The following MRS2 variants were observed in gnomAD, a reference collection of about 807,000 sequenced individuals.
MRS2 encodes magnesium transporter MRS2.
In MRS2, 40 loss-of-function variants were observed where a neutral mutation model predicts 52.6. The ratio of observed to expected loss-of-function variants is 0.76; its 90% CI spans 0.59 to 0.99. MRS2 has a LOEUF of 0.99. Among genes scored for constraint, MRS2 ranks in the 50% least tolerant of loss-of-function variants. The pLI, the probability that MRS2 is intolerant of heterozygous loss-of-function variation, is 0.00. For synonymous variants in MRS2, 193 were observed against 195.9 expected, an observed-to-expected ratio of 0.98 and a Z score of 0.13; for missense variants, 472 against 532.7, an observed-to-expected ratio of 0.89 and a Z score of 1.12.
At chr6:24,404,315 T>G (rs2127279589) in intron 1 of MRS2, among the ~76,000 whole-genome samples, 1 of 152,344 alleles carries the variant, frequency 6.6e-6, no homozygotes, top group South Asian at 2.1e-4. Context: ...ATTAAAACAT[T>G]GAAAGGCATT....
rs1318961947 is a variant in MRS2 at position 24,405,281 on chromosome 6, C to T, written c.264+40C>T. The T allele has an allele frequency of 4.9e-6, 7 of 1,441,598 alleles. No homozygotes were observed. In the African/African-American group the frequency reaches 7.0e-5, roughly 14 times the overall value. 89.3% of individuals were successfully genotyped at this position (1,441,598 alleles called of 1,614,324 possible). The stretch of plus-strand genomic sequence containing the variant: ...TACATTGGAAATCGTACAGAAAGTG[C>T]TTCCCATACATAAGTTAACTCGTTG... On this transcript the variant is annotated intron_variant, in intron 2 of 10. Coordinates refer to ENST00000378386, the MANE Select transcript of MRS2 (RefSeq NM_020662.4).
At chr6:24,414,887 T>TA (rs1409072994) in intron 5 of MRS2, 146 bp from the exon 6 acceptor site, 93 of 609,752 alleles carry the variant, frequency 1.5e-4, no homozygotes, top group African/African-American at 1.2e-3. Context: ...TCATCTGGAA[T>TA]AGGCATTCTA....
Position 24,409,519 on chromosome 6 carries a change from T to A in MRS2, c.360T>A (p.Phe120Leu). ...ELGLQARDLRFQHVMSITVRN... is the reference protein window; with the variant it reads ...ELGLQARDLRLQHVMSITVRN... ...GTCTTCAAGCCAGAGATTTGAGATTTCAGCATGTAATGAGTATCACAGTCA... is the reference window on the plus strand; with the variant it reads ...GTCTTCAAGCCAGAGATTTGAGATTACAGCATGTAATGAGTATCACAGTCA... The change falls in exon 4 of 11, where the codon TTT becomes TTA. Residue 120 changes from phenylalanine to leucine, a missense_variant. Phe to Leu is a conservative substitution (Grantham distance 22). Transcript: ENST00000378386. 1 of 1,612,004 alleles carries A rather than the reference T, an allele frequency of 6.2e-7. No homozygotes were observed. The highest frequency in any genetic ancestry group is 8.5e-7 in the Non-Finnish European group (1 of 1,178,748).
chr6:24,424,156 G>T lies in MRS2; in HGVS notation c.*462G>T, dbSNP rs140027003. 55 of 151,516 alleles carry T rather than the reference G, an allele frequency of 3.6e-4. No individual in the cohort carries two copies. Among genetic ancestry groups the T allele is most frequent in the Admixed American group, 9.2e-4 (14 of 15,292 alleles). 9.4% of individuals were successfully genotyped at this position (151,516 alleles called of 1,614,324 possible). On this transcript the variant is annotated 3_prime_UTR_variant, in exon 11 of 11. Coordinates refer to ENST00000378386, the MANE Select transcript of MRS2 (RefSeq NM_020662.4). ...CATTCTATGTATTAACCTTACAACA[G>T]ACTCTGTAAGTTTGAGCTTTAAAAA... is the stretch of plus-strand genomic sequence containing the variant.
At chr6:24,410,253 A>G (rs1402592297) in intron 4 of MRS2, among the ~76,000 whole-genome samples, 1 of 152,202 alleles carries the variant, frequency 6.6e-6, no homozygotes, top group Admixed American at 6.5e-5. Flanking sequence ...TGCTGGGATT[A>G]CAGGCATGAG....
At position 24,423,069 on chromosome 6, in the gene MRS2, ACGG is replaced by A; in HGVS notation, c.1221+23_1221+25del. 1 of 1,592,150 alleles carries A rather than the reference ACGG, an allele frequency of 6.3e-7. No homozygotes were observed. The highest frequency in any genetic ancestry group is 8.6e-7 in the Non-Finnish European group (1 of 1,161,642). On this transcript the variant is annotated intron_variant, in intron 10 of 10. Coordinates refer to ENST00000378386, the MANE Select transcript of MRS2 (RefSeq NM_020662.4). ...TCCTATGGTATGAAGGATATGGTTC[ACGG>A]CGGTATTGTGGAAGGGTTATGATCA... is the stretch of plus-strand genomic sequence containing the variant.
intron 1 of MRS2, among the ~76,000 whole-genome samples, chr6:24,403,627 C>G (rs1421658587): frequency 6.6e-6 from 1 of 152,164 alleles, no homozygotes; most frequent in African/African-American, 2.4e-5. Context: ...CTATGTTGCC[C>G]AGGCTGGACT....
chr6:24,423,740 A>T lies in MRS2; in HGVS notation c.*46A>T. On this transcript the variant is annotated 3_prime_UTR_variant, in exon 11 of 11. Transcript: ENST00000378386. ...AAGTTTTTTTTATGGTAGTTACAGG[A>T]AACTTCTGATACTCTTTTTATTATT... 1 of 901,852 alleles carries T rather than the reference A, an allele frequency of 1.1e-6. No homozygotes were observed. The highest frequency in any genetic ancestry group is 1.7e-6 in the Non-Finnish European group (1 of 575,188). 55.9% of individuals were successfully genotyped at this position (901,852 alleles called of 1,614,324 possible).
chr6:24,403,168 G>A lies in MRS2; in HGVS notation c.122G>A (p.Arg41His), dbSNP rs1761341157. 6 of 1,608,260 alleles carry A rather than the reference G, an allele frequency of 3.7e-6. No individual in the cohort carries two copies. Among genetic ancestry groups the A allele is most frequent in the Admixed American group, 1.7e-5 (1 of 59,972 alleles). The change falls in exon 1 of 11, where the codon CGC (arginine) becomes CAC (histidine). Residue 41 changes from arginine to histidine, a missense_variant. Coordinates refer to ENST00000378386, the MANE Select transcript of MRS2 (RefSeq NM_020662.4). ...GGTCCTCCCGTTGCTGCCTGCGGCC[G>A]CCGAGCCAACCTGATTGGAAGGAGC... ...SVGPPVAACG[R>H]RANLIGRSRA...
At chr6:24,422,102 A>AT in intron 9 of MRS2, among the ~76,000 whole-genome samples, 1 of 152,306 alleles carries the variant, frequency 6.6e-6, no homozygotes, top group East Asian at 1.9e-4. Context: ...GTGAGCCAAG[A>AT]TTGAGCCACT....
chr6:24,421,186 TTC>T (rs1762030462), intron 9 of MRS2, among the ~76,000 whole-genome samples: 1 of 152,230 alleles, frequency 6.6e-6, no homozygotes, highest in Non-Finnish European at 1.5e-5. Context: ...TTTGATATTT[TTC>T]TCTCACTTAA....
intron 2 of MRS2, among the ~76,000 whole-genome samples, chr6:24,406,340 A>T (rs1309720331): frequency 1.3e-5 from 2 of 152,172 alleles, no homozygotes; most frequent in Admixed American, 1.3e-4. Flanking sequence ...CCTCAAATAT[A>T]TTTCATTAGG....
In MRS2 at chr6:24,418,569, C is replaced by G; in HGVS notation, c.1098C>G (p.Ser366=). The G allele has an allele frequency of 6.2e-7, 1 of 1,609,030 alleles. No homozygotes were observed. Among genetic ancestry groups the G allele is most frequent in the Non-Finnish European group, 8.5e-7 (1 of 1,175,528 alleles). ...GVAFGMNLES[S]LEEDHRIFWL... ...CTTTTGGAATGAATTTGGAATCTTC[C>G]CTTGAAGAGGTGAGAATGTATTATT... is the stretch of plus-strand genomic sequence containing the variant. The change falls in exon 9 of 11, where the codon TCC becomes TCG. Residue 366 remains serine (S), a synonymous_variant. Transcript: ENST00000378386.
intron 3 of MRS2, among the ~76,000 whole-genome samples, chr6:24,408,912 CTG>C (rs1392024360): frequency 6.6e-6 from 1 of 152,144 alleles, no homozygotes; most frequent in African/African-American, 2.4e-5. Context: ...TGATGGCTCT[CTG>C]TGGACAGCTA....
intron 1 of MRS2, 86 bp from the exon 2 acceptor site, chr6:24,405,082 G>A (rs922680451): frequency 1.2e-6 from 1 of 822,078 alleles, no homozygotes; most frequent in African/African-American, 1.7e-5. Context: ...TAGTCTGAAG[G>A]CCTCCACATA....
Position 24,403,056 on chromosome 6 carries a change from C to T in MRS2, c.10C>T (p.Leu4=), listed in dbSNP as rs1327367096. MEC[L]RSLPCLLPRA... ...TTCTTGCTCCAGCACCATGGAATGC[C>T]TGCGCAGTTTACCCTGCCTCCTGCC... The change falls in exon 1 of 11, where the codon CTG becomes TTG. Residue 4 remains leucine (L), a synonymous_variant. Coordinates refer to ENST00000378386, the MANE Select transcript of MRS2 (RefSeq NM_020662.4). The T allele has an allele frequency of 2.5e-6, 4 of 1,606,480 alleles. No individual in the cohort carries two copies. The highest frequency in any genetic ancestry group is 1.3e-5 in the African/African-American group (1 of 74,760).
At chr6:24,404,096 T>C (rs1396568782) in intron 1 of MRS2, among the ~76,000 whole-genome samples, 1 of 152,246 alleles carries the variant, frequency 6.6e-6, no homozygotes, top group African/African-American at 2.4e-5. Flanking sequence ...TCCTCAAATA[T>C]GTTTTCTCAA....
At chr6:24,421,909 T>C (rs1453663795) in intron 9 of MRS2, among the ~76,000 whole-genome samples, 1 of 152,080 alleles carries the variant, frequency 6.6e-6, no homozygotes, top group Non-Finnish European at 1.5e-5. Context: ...AGCACTTTGG[T>C]AGGCCAAGGT....
At chr6:24,417,953 AGAC>A (rs202113278) in intron 7 of MRS2, 128 bp from the exon 8 acceptor site, 39 of 411,978 alleles carry the variant, frequency 9.5e-5, no homozygotes, top group African/African-American at 4.2e-4. Context: ...AAAAAAAAAA[AGAC>A]AAGACAAGAC....
Sources: allele counts gnomAD v4.1 joint callset (sites outside exome capture counted in the v4.1 genomes callset), GRCh38; gene constraint gnomAD v4.1.1; transcripts MANE v1.5; gene names NCBI Gene and HGNC (gene_info 2026-07-23, HGNC 2026-07-21).